The following FOCAD variants were observed in gnomAD, a reference collection of about 807,000 sequenced individuals.
FOCAD encodes the protein focadhesin.
In FOCAD, 198 loss-of-function variants were observed where a neutral mutation model predicts 225.6. The observed-to-expected ratio is 0.88, with a 90% CI of 0.78 to 0.99. The LOEUF is 0.99. FOCAD is among the 50% of genes least tolerant of loss of function. The pLI is 0.00. For synonymous variants in FOCAD, 897 were observed against 755.0 expected (o/e 1.19, Z -3.08); for missense variants, 2,713 against 2,123.6 (o/e 1.28, Z -5.46).
chr9:20,765,155 A>G (rs143239374), intron 7 of FOCAD, 82 bp downstream of exon 7: 7 of 1,290,176 alleles, frequency 5.4e-6, no homozygotes, highest in African/African-American at 4.5e-5. Flanking sequence ...GTTCTAGAAC[A>G]TAAGTGATTT....
chr9:20,951,616 G>A (rs1376234005), intron 34 of FOCAD, among the ~76,000 whole-genome samples: 1 of 152,154 alleles, frequency 6.6e-6, no homozygotes, highest in East Asian at 1.9e-4. Flanking sequence ...AAATAATGGG[G>A]TAGTACATTT....
intron 2 of FOCAD, among the ~76,000 whole-genome samples, chr9:20,661,569 A>G (rs541099952): frequency 2.0e-5 from 3 of 152,152 alleles, no homozygotes; most frequent in African/African-American, 4.8e-5. Flanking sequence ...TTAAACTGAG[A>G]TATTCTCAGT....
intron 11 of FOCAD, among the ~76,000 whole-genome samples, 154 bp downstream of exon 11, chr9:20,789,762 C>A (rs965333239): frequency 2.4e-5 from 3 of 124,566 alleles, no homozygotes; most frequent in Non-Finnish European, 3.5e-5. Flanking sequence ...CCATTTTTTT[C>A]TTCTTTTTCC....
At chr9:20,720,347 A>G (rs200263841) in intron 3 of FOCAD, 33 bp from the exon 4 acceptor site, 94 of 1,609,128 alleles carry the variant, frequency 5.8e-5, no homozygotes, top group Non-Finnish European at 7.6e-5. Flanking sequence ...GCTGCTCATC[A>G]GAATTGTCTT....
chr9:20,797,425 G>A (rs908900962), intron 11 of FOCAD, among the ~76,000 whole-genome samples: 23 of 152,204 alleles, frequency 1.5e-4, no homozygotes, highest in African/African-American at 2.9e-4. Context: ...CCATTTTCAC[G>A]ATATTGATTC....
chr9:20,680,003 C>T (rs867220919), upstream of FOCAD, among the ~76,000 whole-genome samples: 1 of 152,336 alleles, frequency 6.6e-6, no homozygotes, highest in East Asian at 1.9e-4. Flanking sequence ...GAGCTACAAA[C>T]ATCTGCATCA....
chr9:20,915,658 A>G (rs141965768), intron 23 of FOCAD, among the ~76,000 whole-genome samples: 1 of 152,290 alleles, frequency 6.6e-6, no homozygotes, highest in Non-Finnish European at 1.5e-5. Context: ...TTTGACGTAT[A>G]ACAGACCAAG....
chr9:20,949,879 G>T (rs1279141050), intron 33 of FOCAD, among the ~76,000 whole-genome samples: 1 of 151,984 alleles, frequency 6.6e-6, no homozygotes, highest in Admixed American at 6.6e-5. Context: ...AAAGAAAGCT[G>T]GCATTTTTTT....
At position 20,699,783 on chromosome 9, in the gene FOCAD, T is replaced by TATATATAC. The variant is rs1230440285; in HGVS notation, c.-33+15497_-33+15498insCATATATA. Among the ~76,000 whole-genome samples the TATATATAC allele has an allele frequency of 8.8e-4, 69 of 78,786 alleles. 1 individual carries two copies. Among genetic ancestry groups the TATATATAC allele is most frequent in the African/African-American group, 2.6e-3 (43 of 16,364 alleles). The allele number at this position is 78,786 out of a possible 152,430, so 51.7% of individuals were successfully genotyped here. ...AAAAAAAAAAAAAAAAATATATATA[T>TATATATAC]ATATATATATATATATATATATATA... On this transcript the variant is annotated intron_variant, in intron 1 of 43. Coordinates refer to ENST00000338382, the MANE Select transcript of FOCAD (RefSeq NM_001375567.1).
chr9:20,922,419 G>A (rs1834527040), intron 24 of FOCAD, among the ~76,000 whole-genome samples: 1 of 152,186 alleles, frequency 6.6e-6, no homozygotes, highest in African/African-American at 2.4e-5. Flanking sequence ...GAAGGGAGAG[G>A]GGGAAGGAAG....
intron 15 of FOCAD, among the ~76,000 whole-genome samples, chr9:20,825,351 A>G (rs1824775324): frequency 6.6e-6 from 1 of 152,072 alleles, no homozygotes; most frequent in Admixed American, 6.6e-5. Context: ...CTGTGAAGCC[A>G]GTTATTTTGT....
chr9:20,797,731 T>C (rs1821287014), intron 11 of FOCAD, among the ~76,000 whole-genome samples: 1 of 152,198 alleles, frequency 6.6e-6, no homozygotes, highest in Non-Finnish European at 1.5e-5. Context: ...GCTTATCAGC[T>C]TAAGCAGATT....
At chr9:20,743,364 G>C (rs1827783965) in intron 5 of FOCAD, among the ~76,000 whole-genome samples, 2 of 152,194 alleles carry the variant, frequency 1.3e-5, no homozygotes, top group Non-Finnish European at 2.9e-5. Flanking sequence ...CCAGTATTCA[G>C]CTGGGGCTTA....
At chr9:20,699,607 G>A (rs1451967827) in intron 1 of FOCAD, among the ~76,000 whole-genome samples, 3 of 149,980 alleles carry the variant, frequency 2.0e-5, no homozygotes, top group Non-Finnish European at 3.0e-5. Flanking sequence ...GCATGGTGGC[G>A]GGCGCCTGTA....
chr9:20,662,784 A>C (rs1821771507), intron 2 of FOCAD, among the ~76,000 whole-genome samples: 1 of 152,064 alleles, frequency 6.6e-6, no homozygotes, highest in Non-Finnish European at 1.5e-5. Context: ...TTGCAACCCA[A>C]ACTTTGGCTC....
chr9:20,874,476 C>A, intron 18 of FOCAD: 1 of 503,014 alleles, frequency 2.0e-6, no homozygotes, highest in South Asian at 2.7e-5. Flanking sequence ...GAGATTGTAT[C>A]TAATAAGATG....
chr9:20,888,539 A>T (rs989886125), intron 21 of FOCAD, among the ~76,000 whole-genome samples: 3 of 152,052 alleles, frequency 2.0e-5, no homozygotes, highest in African/African-American at 7.2e-5. Flanking sequence ...TTAATCCGAG[A>T]TTACAAAAAT....
chr9:20,850,383 G>A (rs1827531277), intron 15 of FOCAD, among the ~76,000 whole-genome samples: 1 of 151,898 alleles, frequency 6.6e-6, no homozygotes, highest in South Asian at 2.1e-4. Context: ...TGTCGAGGAA[G>A]AAAATCTATA....
intron 9 of FOCAD, among the ~76,000 whole-genome samples, chr9:20,781,048 G>C (rs1819309513): frequency 6.6e-6 from 1 of 152,014 alleles, no homozygotes. Context: ...TAGTAAATCA[G>C]GGTTAATTAC....
Sources: allele counts gnomAD v4.1 joint callset (sites outside exome capture counted in the v4.1 genomes callset), GRCh38; gene constraint gnomAD v4.1.1; transcripts MANE v1.5; gene names NCBI Gene and HGNC (gene_info 2026-07-23, HGNC 2026-07-21).